PCDHGB5: variants seen among roughly 807,000 people sequenced by gnomAD.
PCDHGB5 encodes protocadherin gamma-B5.
A neutral mutation model predicts 62.9 loss-of-function variants in PCDHGB5; 48 were observed. That is an observed-to-expected ratio of 0.76 (90% CI 0.61 to 0.97). The LOEUF is 0.97. PCDHGB5 is among the 50% of genes least tolerant of loss of function. The probability of loss-of-function intolerance (pLI) is 0.00; values close to 1 mark genes in which losing one functional copy is unlikely to be tolerated. For synonymous variants in PCDHGB5, 474 were observed against 511.2 expected, an observed-to-expected ratio of 0.93 and a Z score of 0.98; for missense variants, 1,118 against 1,198.6, an observed-to-expected ratio of 0.93 and a Z score of 0.99.
chr5:141,505,705 GAA>G (rs1250788277), intron 3 of PCDHGB5, among the ~76,000 whole-genome samples: 1 of 152,198 alleles, frequency 6.6e-6, no homozygotes, highest in Non-Finnish European at 1.5e-5. Flanking sequence ...AGCGAACAAG[GAA>G]AAGACTCATG....
At chr5:141,418,944 C>T in intron 1 of PCDHGB5, 1 of 1,614,026 alleles carries the variant, frequency 6.2e-7, no homozygotes, top group Non-Finnish European at 8.5e-7. Context: ...GATTCCCCTC[C>T]AGGAGTGGTT....
rs1216840918 is a variant in PCDHGB5, at chr5:141,476,285, G to C, written c.2398-18522G>C. The C allele has an allele frequency of 1.2e-6, 2 of 1,614,036 alleles. No individual in the cohort carries two copies. The highest frequency in any genetic ancestry group is 1.7e-6 in the Non-Finnish European group (2 of 1,180,032). ...CAACGTGGTCGCGAACCTTGGTTTG[G>C]ATCTCGGTAGCCTCTCAGCCCGCAG... On this transcript the variant is annotated intron_variant, in intron 1 of 3. Coordinates refer to ENST00000617380, the MANE Select transcript of PCDHGB5 (RefSeq NM_018925.3). This position sits in a 1 kb window ranked among gnomAD's most constrained non-coding sequence, Gnocchi z 7.6.
chr5:141,468,845 A>G (rs1426852752), intron 1 of PCDHGB5, among the ~76,000 whole-genome samples: 3 of 152,150 alleles, frequency 2.0e-5, no homozygotes, highest in Non-Finnish European at 2.9e-5. Flanking sequence ...CAGCCTGGGC[A>G]ACAGAGCGAG....
At chr5:141,408,953 CTT>C in intron 1 of PCDHGB5, 1 of 1,613,552 alleles carries the variant, frequency 6.2e-7, no homozygotes, top group Non-Finnish European at 8.5e-7. Context: ...TAGAATTAGT[CTT>C]AGTGAAAATC....
chr5:141,478,560 A>G, intron 1 of PCDHGB5: 1 of 1,598,736 alleles, frequency 6.3e-7, no homozygotes, highest in Non-Finnish European at 8.5e-7. Flanking sequence ...AGGTTTAGCA[A>G]GTCATGCTTG....
rs2099811015 is a variant in PCDHGB5 at position 141,501,774 on chromosome 5, G to GTC, written c.2457-3612_2457-3611dup. ...CTCTCAGTAAATGGTTAAAAAAGAG[G>GTC]TCTCTCTCCCTCTGCTCATCTCTTA... is the stretch of plus-strand genomic sequence containing the variant. On this transcript the variant is annotated intron_variant, in intron 2 of 3. Coordinates refer to ENST00000617380, the MANE Select transcript of PCDHGB5 (RefSeq NM_018925.3). Among the ~76,000 whole-genome samples, 3 of 152,062 alleles carry GTC rather than the reference G, an allele frequency of 2.0e-5. No homozygotes were observed. In the South Asian group the frequency reaches 6.2e-4, roughly 32 times the overall value.
intron 1 of PCDHGB5, among the ~76,000 whole-genome samples, chr5:141,448,728 C>T (rs575604763): frequency 6.6e-6 from 1 of 151,986 alleles, no homozygotes; most frequent in Non-Finnish European, 1.5e-5. Context: ...ATCACGAGGT[C>T]AGGAGATCGA....
At position 141,476,453 on chromosome 5, in the gene PCDHGB5, G is replaced by A. The variant is rs1432113874; in HGVS notation, c.2398-18354G>A. 3 of 1,614,138 alleles carry A rather than the reference G, an allele frequency of 1.9e-6. No individual in the cohort carries two copies. The East Asian group carries it at 6.7e-5, about 36-fold the overall frequency. ...CACTGTAACTCTGGAGTTGGTAGTG[G>A]AGAACCCGCTGGAGCTGTTCAGCGT... On this transcript the variant is annotated intron_variant, in intron 1 of 3. Transcript: ENST00000617380. The surrounding 1 kb of genome is among the most constrained non-coding windows in gnomAD (Gnocchi z 7.6).
chr5:141,425,317 C>T (rs78746536), intron 1 of PCDHGB5, among the ~76,000 whole-genome samples: 174 of 152,168 alleles, frequency 1.1e-3, no homozygotes, highest in East Asian at 3.7e-3. Context: ...TTCCCAAGAT[C>T]GTGGAGAACA....
chr5:141,483,916 A>C (rs1377841777), intron 1 of PCDHGB5, among the ~76,000 whole-genome samples: 1 of 144,996 alleles, frequency 6.9e-6, no homozygotes, highest in African/African-American at 2.5e-5. Flanking sequence ...TCCCACTCAG[A>C]TTGCAGGTCG....
chr5:141,494,943 G>A, intron 2 of PCDHGB5, 78 bp downstream of exon 2: 2 of 1,610,326 alleles, frequency 1.2e-6, no homozygotes, highest in Non-Finnish European at 1.7e-6. Flanking sequence ...ATGGGGGAGG[G>A]CCCAGCATTT....
chr5:141,494,607 C>T (rs2099755630), intron 1 of PCDHGB5, among the ~76,000 whole-genome samples, 200 bp from the exon 2 acceptor site: 2 of 152,092 alleles, frequency 1.3e-5, no homozygotes, highest in South Asian at 2.1e-4. Flanking sequence ...TGTGATTTAT[C>T]TCTTGGTTTC....
intron 1 of PCDHGB5, chr5:141,408,100 G>A (rs1474827605): frequency 9.7e-6 from 14 of 1,438,178 alleles, no homozygotes; most frequent in African/African-American, 1.4e-5. Context: ...CCAGCTCCGA[G>A]ACCCGGGACT....
intron 1 of PCDHGB5, among the ~76,000 whole-genome samples, chr5:141,482,053 C>G (rs2099551080): frequency 6.6e-6 from 1 of 150,558 alleles, no homozygotes; most frequent in Non-Finnish European, 1.5e-5. Flanking sequence ...CTGTTGCATT[C>G]CAGCCTGGGC....
chr5:141,439,531 G>T (rs1474855779), intron 1 of PCDHGB5, among the ~76,000 whole-genome samples: 1 of 152,126 alleles, frequency 6.6e-6, no homozygotes, highest in Non-Finnish European at 1.5e-5. Context: ...TCTACAGAAC[G>T]CTGTCCTCTC....
At chr5:141,444,152 A>ATTTTTTTTTTTTTTTTT (rs747671382) in intron 1 of PCDHGB5, among the ~76,000 whole-genome samples, 1 of 33,898 alleles carries the variant, frequency 3.0e-5, no homozygotes, top group African/African-American at 1.4e-4. Context: ...TGTGTACTGG[A>ATTTTTTTTTTTTTTTTT]TTTTTTTTTT....
chr5:141,419,996 C>G, intron 1 of PCDHGB5: 1 of 1,614,084 alleles, frequency 6.2e-7, no homozygotes, highest in Non-Finnish European at 8.5e-7. Context: ...AGCTATTGCT[C>G]TACGCCTGCG....
intron 1 of PCDHGB5, chr5:141,424,285 T>A (rs573116321): frequency 6.5e-6 from 1 of 152,894 alleles, no homozygotes; most frequent in South Asian, 2.1e-4. Context: ...CTTTGTCTCA[T>A]TTCTTCATCC....
intron 1 of PCDHGB5, among the ~76,000 whole-genome samples, chr5:141,436,832 C>T (rs1242760381): frequency 6.6e-6 from 1 of 152,172 alleles, no homozygotes; most frequent in African/African-American, 2.4e-5. Flanking sequence ...ATCTTAAGTG[C>T]CTAGGCACAT....
Sources: gnomAD v4.1 joint callset for allele counts (sites outside exome capture counted in the v4.1 genomes callset) on GRCh38, gnomAD v4.1.1 for gene constraint, Gnocchi (gnomAD v3.1) non-coding constraint, MANE v1.5 for transcripts, NCBI Gene and HGNC (gene_info 2026-07-23, HGNC 2026-07-21) for gene names.